The following TMTC4 variants were observed in gnomAD, a reference collection of about 807,000 sequenced individuals.
TMTC4 encodes the protein protein O-mannosyl-transferase TMTC4.
A neutral mutation model predicts 86.0 loss-of-function variants in TMTC4; 65 were observed. The ratio of observed to expected loss-of-function variants is 0.76; its 90% CI spans 0.62 to 0.93. The LOEUF (loss-of-function observed/expected upper bound fraction) is 0.93, where lower values mean the gene tolerates loss of function less well. Ranked by LOEUF, TMTC4 falls within the 40% of genes least tolerant of loss-of-function variation. The probability of loss-of-function intolerance (pLI) is 0.00; values close to 1 mark genes in which losing one functional copy is unlikely to be tolerated. For synonymous variants in TMTC4, 379 were observed against 382.5 expected, an observed-to-expected ratio of 0.99 and a Z score of 0.11; for missense variants, 866 against 948.1, an observed-to-expected ratio of 0.91 and a Z score of 1.14.
chr13:100,609,259 T>C (rs1163117671), intron 17 of TMTC4, among the ~76,000 whole-genome samples: 2 of 152,156 alleles, frequency 1.3e-5, no homozygotes, highest in Non-Finnish European at 2.9e-5. Flanking sequence ...TAGCTGGGAT[T>C]TAGTATGATT....
At chr13:100,624,008 A>T (rs188453435) in intron 15 of TMTC4, 40 of 319,002 alleles carry the variant, frequency 1.3e-4, no homozygotes, top group Non-Finnish European at 2.3e-4. Flanking sequence ...TCTCTAGGCC[A>T]GTCACCTACT....
intron 12 of TMTC4, among the ~76,000 whole-genome samples, chr13:100,634,246 T>G (rs1358130398): frequency 6.6e-6 from 1 of 152,124 alleles, no homozygotes; most frequent in Non-Finnish European, 1.5e-5. Context: ...GTATGTACAT[T>G]TATGTTTACC....
In TMTC4 at chr13:100,656,459, C is replaced by T. The variant is rs778429029; in HGVS notation, c.562G>A (p.Val188Ile). The change falls in exon 6 of 19, where the codon GTT (valine) becomes ATT (isoleucine). Residue 188 changes from valine (V) to isoleucine (I), a missense_variant. Val to Ile is a conservative substitution (Grantham distance 29). Transcript: ENST00000342624. ...CACAGGAGGTCTGCACGGCCGACAA[C>T]ACCAGCAACCTTAAAAAAGGGGGAA... ...HPVHTECVAGVVGRADLLCAL... is the reference protein window; with the variant it reads ...HPVHTECVAGIVGRADLLCAL... The T allele has an allele frequency of 1.3e-6, 2 of 1,595,796 alleles. No individual in the cohort carries two copies. Among genetic ancestry groups the T allele is most frequent in the South Asian group, 1.1e-5 (1 of 88,592 alleles).
rs1331928079 is a variant in TMTC4, at chr13:100,626,149, AC to A, written c.1507del (p.Val503PhefsTer26). On this transcript the variant is annotated frameshift_variant and splice_region_variant, in exon 13 of 19. Coordinates refer to ENST00000342624, the MANE Select transcript of TMTC4 (RefSeq NM_032813.5). LOFTEE classifies it high-confidence loss of function. ...ALSVCPLNAK[V>X]HYNIGKNLAD... ...CAGGTTTTTGCCAATGTTGTAGTGA[AC>A]CTGCAGACAGAGAATAATTGGGCCA... is the stretch of plus-strand genomic sequence containing the variant. 6.2e-7 allele frequency: 1 copy of A among 1,614,122 alleles called. No individual in the cohort carries two copies. The highest frequency in any genetic ancestry group is 1.3e-5 in the African/African-American group (1 of 75,008).
intron 1 of TMTC4, chr13:100,674,167 CCCGGGCGCCCGGG>C (rs1419363452): frequency 1.1e-6 from 1 of 926,446 alleles, no homozygotes; most frequent in Non-Finnish European, 1.3e-6. Flanking sequence ...GCTCGGTGGC[CCCGGGCGCCCGGG>C]CCGGTGGCCC....
Position 100,651,541 on chromosome 13 carries a change from T to C in TMTC4, c.640+4840A>G, listed in dbSNP as rs1371611385. 2.0e-5 allele frequency among the ~76,000 whole-genome samples: 3 copies of C among 147,758 alleles called. No individual in the cohort carries two copies. In the East Asian group the frequency reaches 5.8e-4, roughly 29 times the overall value. On this transcript the variant is annotated intron_variant, in intron 6 of 18. Transcript: ENST00000342624. The stretch of plus-strand genomic sequence containing the variant: ...AAAAAAGGCAGAGCCCCAGAAATGT[T>C]ATGTGAGTACATTTTTCATTTTCTG...
At chr13:100,644,094 C>A (rs1566612522) in intron 6 of TMTC4, among the ~76,000 whole-genome samples, 1 of 149,002 alleles carries the variant, frequency 6.7e-6, no homozygotes, top group African/African-American at 2.5e-5. Flanking sequence ...GGGTGGGAGG[C>A]GCTCTTTTTT....
chr13:100,634,197 C>T (rs751547419), intron 12 of TMTC4, among the ~76,000 whole-genome samples: 5 of 151,436 alleles, frequency 3.3e-5, no homozygotes, highest in African/African-American at 4.9e-5. Flanking sequence ...ATGCAATATG[C>T]GGTTTGCTGA....
chr13:100,672,572 C>G (rs1831350998), intron 1 of TMTC4, among the ~76,000 whole-genome samples: 1 of 152,180 alleles, frequency 6.6e-6, no homozygotes, highest in Non-Finnish European at 1.5e-5. Flanking sequence ...CTCACCACAG[C>G]TTCACCTTAC....
At chr13:100,617,136 T>TG (rs1878629383) in intron 15 of TMTC4, among the ~76,000 whole-genome samples, 1 of 152,052 alleles carries the variant, frequency 6.6e-6, no homozygotes, top group East Asian at 1.9e-4. Flanking sequence ...GATTTTTTTT[T>TG]TTTTAAAGAC....
chr13:100,612,026 G>A (rs1416591630), intron 17 of TMTC4, among the ~76,000 whole-genome samples: 1 of 152,216 alleles, frequency 6.6e-6, no homozygotes, highest in Non-Finnish European at 1.5e-5. Context: ...GTGCTAGGGT[G>A]GGGCTGGGGC....
intron 1 of TMTC4, chr13:100,674,441 G>T: frequency 1.6e-5 from 14 of 901,622 alleles, no homozygotes; most frequent in Non-Finnish European, 1.9e-5. Flanking sequence ...GCAGGGGCTG[G>T]GGGCGGCGAC....
At chr13:100,643,399 C>T (rs938562429) in intron 6 of TMTC4, among the ~76,000 whole-genome samples, 2 of 152,214 alleles carry the variant, frequency 1.3e-5, no homozygotes, top group African/African-American at 4.8e-5. Context: ...GTGACTTTCA[C>T]GGTCTCAAGG....
chr13:100,623,304 C>T (rs1024184880), intron 15 of TMTC4, among the ~76,000 whole-genome samples: 2 of 152,234 alleles, frequency 1.3e-5, no homozygotes, highest in African/African-American at 4.8e-5. Context: ...GCAATCTTGG[C>T]TCACTGCAAC....
At chr13:100,626,941 A>G (rs563369368) in intron 12 of TMTC4, among the ~76,000 whole-genome samples, 15 of 152,228 alleles carry the variant, frequency 9.9e-5, no homozygotes, top group Non-Finnish European at 2.9e-5. Context: ...AGGCCCATGA[A>G]TGGATCAGTG....
chr13:100,639,262 G>A (rs1882697980), intron 7 of TMTC4, among the ~76,000 whole-genome samples: 1 of 152,244 alleles, frequency 6.6e-6, no homozygotes, highest in Non-Finnish European at 1.5e-5. Flanking sequence ...CAGAAATGCT[G>A]GGAGCCACTA....
rs35563246 is a variant in TMTC4 at position 100,656,542 on chromosome 13, C to CTTTTTTTTTTTTTTTTT, written c.553-91_553-75dup. On this transcript the variant is annotated intron_variant, in intron 5 of 18. Coordinates refer to ENST00000342624, the MANE Select transcript of TMTC4 (RefSeq NM_032813.5). ...GAAATCCTAAACTTAGGAGACATAA[C>CTTTTTTTTTTTTTTTTT]TTTTTTTTTTTTTTTTTTGCGACAG... is the stretch of plus-strand genomic sequence containing the variant. 833 of 385,686 alleles carry CTTTTTTTTTTTTTTTTT rather than the reference C, an allele frequency of 2.2e-3. 27 individuals carry two copies. Among genetic ancestry groups the CTTTTTTTTTTTTTTTTT allele is most frequent in the African/African-American group, 2.5e-3 (101 of 40,216 alleles). The allele number at this position is 385,686 out of a possible 1,614,324, so 23.9% of individuals were successfully genotyped here.
At chr13:100,638,909 T>C (rs1882631819) in intron 7 of TMTC4, 1 of 152,272 alleles carries the variant, frequency 6.6e-6, no homozygotes, top group Non-Finnish European at 1.5e-5. Flanking sequence ...AGTCCACCTA[T>C]GTTAACAGTT....
intron 2 of TMTC4, among the ~76,000 whole-genome samples, chr13:100,669,291 C>T (rs1478602862): frequency 2.0e-5 from 3 of 152,168 alleles, no homozygotes; most frequent in Admixed American, 6.5e-5. Context: ...TTCAGGCACA[C>T]AGGCCAGGGA....
Sources: allele counts gnomAD v4.1 joint callset (sites outside exome capture counted in the v4.1 genomes callset), GRCh38; gene constraint gnomAD v4.1.1; transcripts MANE v1.5; gene names NCBI Gene and HGNC (gene_info 2026-07-23, HGNC 2026-07-21).